The following RPS6KC1 variants were observed in gnomAD, a reference collection of about 807,000 sequenced individuals.
RPS6KC1 encodes inactive ribosomal protein S6 kinase delta-1.
A neutral mutation model predicts 103.8 loss-of-function variants in RPS6KC1; 54 were observed. The observed-to-expected ratio is 0.52, with a 90% confidence interval of 0.42 to 0.65. RPS6KC1 has a LOEUF of 0.65. Ranked by LOEUF, RPS6KC1 falls within the 30% of genes least tolerant of loss-of-function variation. The probability of loss-of-function intolerance (pLI) is 0.00; values close to 1 mark genes in which losing one functional copy is unlikely to be tolerated. For synonymous variants in RPS6KC1, 439 were observed against 438.7 expected, an observed-to-expected ratio of 1.00 and a Z score of -0.01; for missense variants, 1,151 against 1,253.8, an observed-to-expected ratio of 0.92 and a Z score of 1.24.
chr1:213,065,909 C>T (rs1013531545), intron 1 of RPS6KC1, among the ~76,000 whole-genome samples: 1 of 152,092 alleles, frequency 6.6e-6, no homozygotes, highest in Non-Finnish European at 1.5e-5. Flanking sequence ...GAGCAGTAGA[C>T]CAGGAGTCAG....
At chr1:213,803,773 C>T in the RPS6KC1 span, among the ~76,000 whole-genome samples, 13 of 152,078 alleles carry the variant, frequency 8.5e-5, no homozygotes, top group Admixed American at 5.9e-4. Flanking sequence ...TGGGAGCAAA[C>T]AATGAGTTCT....
At chr1:213,072,291 C>G (rs530259251) in intron 2 of RPS6KC1, among the ~76,000 whole-genome samples, 13 of 151,974 alleles carry the variant, frequency 8.6e-5, no homozygotes, top group African/African-American at 2.9e-4. Flanking sequence ...GTGTATGGCC[C>G]CAGGTTTAGA....
the RPS6KC1 span, among the ~76,000 whole-genome samples, chr1:213,499,414 G>A: frequency 1.3e-5 from 2 of 152,152 alleles, no homozygotes; most frequent in Non-Finnish European, 2.9e-5. Context: ...TCCGTAGTAG[G>A]TCGGAGTGGT....
the RPS6KC1 span, among the ~76,000 whole-genome samples, chr1:213,294,312 G>T: frequency 3.9e-5 from 6 of 152,300 alleles, no homozygotes; most frequent in Middle Eastern, 3.4e-3. Context: ...GCTGCAAGGG[G>T]TCACAGCAGA....
chr1:213,225,131 T>C (rs2093929443), intron 8 of RPS6KC1, among the ~76,000 whole-genome samples: 1 of 152,202 alleles, frequency 6.6e-6, no homozygotes, highest in Admixed American at 6.5e-5. Context: ...TTCACCAGCC[T>C]GATGTTTTTG....
chr1:213,167,486 ACAC>A (rs1558462587), intron 6 of RPS6KC1, among the ~76,000 whole-genome samples: 3,147 of 135,112 alleles, frequency 0.023, 135 homozygotes, highest in African/African-American at 0.09. Flanking sequence ...ACACACACAC[ACAC>A]AACAGCTGTT....
At chr1:213,415,379 G>C in the RPS6KC1 span, among the ~76,000 whole-genome samples, 1 of 152,342 alleles carries the variant, frequency 6.6e-6, no homozygotes, top group South Asian at 2.1e-4. Flanking sequence ...GTTGTGGTGA[G>C]GGTAAGTCTT....
chr1:213,389,892 A>T, the RPS6KC1 span, among the ~76,000 whole-genome samples: 1 of 152,054 alleles, frequency 6.6e-6, no homozygotes, highest in Admixed American at 6.5e-5. Context: ...TACACAGAGC[A>T]TGCTTCTTCG....
At chr1:213,126,042 C>A (rs1041544969) in intron 5 of RPS6KC1, among the ~76,000 whole-genome samples, 6 of 152,046 alleles carry the variant, frequency 3.9e-5, no homozygotes, top group African/African-American at 1.4e-4. Flanking sequence ...CAAAAGAGAT[C>A]TCTAATACAG....
chr1:213,470,627 T>G, the RPS6KC1 span, among the ~76,000 whole-genome samples: 5 of 148,460 alleles, frequency 3.4e-5, no homozygotes, highest in East Asian at 5.9e-4. Flanking sequence ...TTTTTTTTTT[T>G]TTTTTTTTTA....
chr1:213,745,570 GT>G, the RPS6KC1 span, among the ~76,000 whole-genome samples: 1 of 152,132 alleles, frequency 6.6e-6, no homozygotes, highest in African/African-American at 2.4e-5. Context: ...ATTGATTGGG[GT>G]TGTATTACTG....
chr1:213,734,503 A>T, the RPS6KC1 span, among the ~76,000 whole-genome samples: 2 of 152,164 alleles, frequency 1.3e-5, no homozygotes, highest in African/African-American at 2.4e-5. Flanking sequence ...TTTGACTGTG[A>T]TTTTTCACTG....
the RPS6KC1 span, among the ~76,000 whole-genome samples, chr1:213,484,086 G>T: frequency 2.0e-5 from 3 of 152,090 alleles, no homozygotes; most frequent in African/African-American, 7.2e-5. Context: ...ATGTCAACAA[G>T]ATTTTATTTT....
chr1:213,793,588 T>C, the RPS6KC1 span, among the ~76,000 whole-genome samples: 4 of 151,976 alleles, frequency 2.6e-5, no homozygotes, highest in African/African-American at 7.3e-5. Flanking sequence ...CTGGATAACA[T>C]TGAGTCAAGG....
the RPS6KC1 span, among the ~76,000 whole-genome samples, chr1:213,743,622 A>G: frequency 2.6e-5 from 4 of 152,206 alleles, no homozygotes; most frequent in East Asian, 5.8e-4. Context: ...GGGCCATCAG[A>G]CACTCCAAAC....
the RPS6KC1 span, among the ~76,000 whole-genome samples, chr1:213,570,837 C>T: frequency 3.3e-5 from 5 of 152,284 alleles, no homozygotes; most frequent in African/African-American, 9.6e-5. Flanking sequence ...TCCTTGTCAC[C>T]GTGAAACCAG....
chr1:213,459,164 AC>A, the RPS6KC1 span, among the ~76,000 whole-genome samples: 1 of 152,198 alleles, frequency 6.6e-6, no homozygotes, highest in East Asian at 1.9e-4. Flanking sequence ...TGTTTGGAAT[AC>A]TTTCAGAAGG....
intron 4 of RPS6KC1, among the ~76,000 whole-genome samples, chr1:213,115,294 G>A (rs2083461516): frequency 6.6e-6 from 1 of 152,040 alleles, no homozygotes; most frequent in Admixed American, 6.6e-5. Context: ...GAGTGTATGT[G>A]TCGAGGAATT....
the RPS6KC1 span, among the ~76,000 whole-genome samples, chr1:213,691,007 G>A: frequency 6.6e-6 from 1 of 152,088 alleles, no homozygotes; most frequent in African/African-American, 2.4e-5. Context: ...GCAAGAGAGA[G>A]TGTGAGAGAA....
Sources: gnomAD v4.1 joint callset for allele counts (sites outside exome capture counted in the v4.1 genomes callset) on GRCh38, gnomAD v4.1.1 for gene constraint, MANE v1.5 for transcripts, NCBI Gene and HGNC (gene_info 2026-07-23, HGNC 2026-07-21) for gene names.